The following SNX29 variants were observed in gnomAD, a reference collection of about 807,000 sequenced individuals.
SNX29 encodes sorting nexin 29, also known as sorting nexin-29.
SNX29 carries 78 observed loss-of-function variants against 102.1 expected under a neutral mutation model. That is an observed-to-expected ratio of 0.76 (90% CI 0.64 to 0.92). The LOEUF is 0.92. SNX29 is among the 40% of genes least tolerant of loss of function. SNX29 has a pLI of 0.00. For synonymous variants in SNX29, 580 were observed against 414.5 expected, an observed-to-expected ratio of 1.40 and a Z score of -4.85; for missense variants, 1,280 against 1,061.7, an observed-to-expected ratio of 1.21 and a Z score of -2.86.
rs760029139 is a variant in SNX29 at position 12,568,613 on chromosome 16, A to AG, written c.2427dup (p.Ser810GlufsTer3). On this transcript the variant is annotated frameshift_variant, in exon 21 of 21. Transcript: ENST00000566228. LOFTEE classifies it high-confidence loss of function. The stretch of plus-strand genomic sequence containing the variant: ...CGGGAGACCCGCAACGTGGAGCCCC[A>AG]GAGCGGTGACCTCTGACCTCGACAA... The AG allele has an allele frequency of 6.2e-7, 1 of 1,604,234 alleles. No homozygotes were observed. Among genetic ancestry groups the AG allele is most frequent in the Non-Finnish European group, 8.5e-7 (1 of 1,179,812 alleles).
At chr16:12,175,661 A>AG (rs1403754884) in intron 13 of SNX29, among the ~76,000 whole-genome samples, 1 of 151,834 alleles carries the variant, frequency 6.6e-6, no homozygotes, top group African/African-American at 2.4e-5. Flanking sequence ...CAAAAAAAAA[A>AG]AAAAAGTACG....
At chr16:12,394,312 G>A (rs181622098) in intron 16 of SNX29, among the ~76,000 whole-genome samples, 2 of 152,330 alleles carry the variant, frequency 1.3e-5, no homozygotes, top group Admixed American at 1.3e-4. Context: ...AAGATGCGAA[G>A]AACGGATACT....
Position 12,569,081 on chromosome 16 carries a change from T to C in SNX29, c.*452T>C, listed in dbSNP as rs989060758. ...ACTATTAGCCTCTCCTTTTGCTTTT[T>C]AAGGTTATTACCTGGCCTAACCTAG... On this transcript the variant is annotated 3_prime_UTR_variant, in exon 21 of 21. Transcript: ENST00000566228. The C allele has an allele frequency of 1.1e-5, 2 of 178,624 alleles. No individual in the cohort carries two copies. The highest frequency in any genetic ancestry group is 2.6e-5 in the African/African-American group (1 of 38,880). 11.1% of individuals were successfully genotyped at this position (178,624 alleles called of 1,614,324 possible). A position where few individuals can be genotyped will look rare whatever the true frequency, so the allele number is the denominator to read the frequency against.
rs181433688 is a variant in SNX29 at position 12,510,138 on chromosome 16, T to C, written c.2179-14564T>C. ...TGTGCATTGGTGACATCTCCTTTGATGTAGCCCATACCGCCCAGGACGAGA... is the reference window on the plus strand; with the variant it reads ...TGTGCATTGGTGACATCTCCTTTGACGTAGCCCATACCGCCCAGGACGAGA... On this transcript the variant is annotated intron_variant, in intron 19 of 20. Coordinates refer to ENST00000566228, the MANE Select transcript of SNX29 (RefSeq NM_032167.5). Among the ~76,000 whole-genome samples, 404 of 152,348 alleles carry C rather than the reference T, an allele frequency of 2.7e-3. 1 individual carries two copies. The highest frequency in any genetic ancestry group is 9.2e-3 in the African/African-American group (381 of 41,572).
intron 14 of SNX29, among the ~76,000 whole-genome samples, chr16:12,267,789 A>G (rs2078972000): frequency 6.6e-6 from 1 of 152,206 alleles, no homozygotes; most frequent in South Asian, 2.1e-4. Context: ...TCTGCACTGC[A>G]TATACCCTGT....
chr16:12,017,842 C>A (rs1025249714), intron 3 of SNX29, among the ~76,000 whole-genome samples: 1 of 151,984 alleles, frequency 6.6e-6, no homozygotes, highest in Non-Finnish European at 1.5e-5. Context: ...TGAAGTGCTA[C>A]CATTATTATA....
At chr16:12,348,160 C>G (rs998310456) in intron 15 of SNX29, among the ~76,000 whole-genome samples, 2 of 152,134 alleles carry the variant, frequency 1.3e-5, no homozygotes, top group Non-Finnish European at 1.5e-5. Flanking sequence ...AGTGAGTAGA[C>G]AGGACCTGGA....
chr16:12,080,140 T>C (rs2051792864), intron 11 of SNX29, among the ~76,000 whole-genome samples: 1 of 152,138 alleles, frequency 6.6e-6, no homozygotes, highest in South Asian at 2.1e-4. Flanking sequence ...AGAAGGTGCT[T>C]ACAGTATACC....
rs374241547 is a variant in SNX29 at position 11,976,957 on chromosome 16, C to T, written c.7+144C>T. ...GCTCCCTTTTCCAGACCCCTGGCCC[C>T]CAGGACTCCCGGCTCGTGGCCCCTG... On this transcript the variant is annotated intron_variant, in intron 1 of 20. Transcript: ENST00000566228. 15 of 1,095,020 alleles carry T rather than the reference C, an allele frequency of 1.4e-5. No homozygotes were observed. The African/African-American group carries it at 2.0e-4, about 14-fold the overall frequency. The allele number at this position is 1,095,020 out of a possible 1,614,324, so 67.8% of individuals were successfully genotyped here.
chr16:12,456,664 G>A (rs1207020746), intron 18 of SNX29, among the ~76,000 whole-genome samples: 2 of 152,074 alleles, frequency 1.3e-5, no homozygotes, highest in Admixed American at 6.5e-5. Flanking sequence ...GGATACGTGT[G>A]TGAGTACTTG....
intron 11 of SNX29, among the ~76,000 whole-genome samples, chr16:12,084,006 C>G (rs989662247): frequency 6.6e-6 from 1 of 152,188 alleles, no homozygotes; most frequent in Non-Finnish European, 1.5e-5. Flanking sequence ...GTGTTTTGTC[C>G]TGAGGCATTC....
intron 16 of SNX29, among the ~76,000 whole-genome samples, chr16:12,378,302 T>TG (rs1328512631): frequency 6.6e-6 from 1 of 151,512 alleles, no homozygotes; most frequent in Admixed American, 6.6e-5. Context: ...TCGATAAGAG[T>TG]GAAAGCAAGA....
chr16:12,289,759 C>T (rs1343828628), intron 15 of SNX29, among the ~76,000 whole-genome samples: 1 of 152,108 alleles, frequency 6.6e-6, no homozygotes, highest in Non-Finnish European at 1.5e-5. Flanking sequence ...TATTTTGGGC[C>T]TGTTTTATAT....
At chr16:12,359,429 G>T (rs1168167185) in intron 16 of SNX29, among the ~76,000 whole-genome samples, 1 of 152,138 alleles carries the variant, frequency 6.6e-6, no homozygotes, top group Non-Finnish European at 1.5e-5. Flanking sequence ...TCCCCATTCT[G>T]GGTTTCACAT....
chr16:12,375,508 A>G (rs2082839607), intron 16 of SNX29: 1 of 152,100 alleles, frequency 6.6e-6, no homozygotes. Context: ...GACTGCAGAC[A>G]CCTCAGGGCT....
intron 15 of SNX29, among the ~76,000 whole-genome samples, chr16:12,345,982 C>T (rs537465088): frequency 1.3e-5 from 2 of 152,184 alleles, no homozygotes; most frequent in East Asian, 3.9e-4. Flanking sequence ...CAGCCACCAA[C>T]CCAAGCCAGT....
At chr16:12,071,596 G>C (rs546536849) in intron 10 of SNX29, among the ~76,000 whole-genome samples, 1 of 152,294 alleles carries the variant, frequency 6.6e-6, no homozygotes, top group Non-Finnish European at 1.5e-5. Flanking sequence ...TTTGAAGTCC[G>C]GTAGCGTGAT....
At chr16:12,560,168 CTTTTT>C (rs779079143) in intron 20 of SNX29, among the ~76,000 whole-genome samples, 1 of 140,894 alleles carries the variant, frequency 7.1e-6, no homozygotes, top group Non-Finnish European at 1.5e-5. Flanking sequence ...GCCTTTCTCA[CTTTTT>C]TTTAATTCAC....
chr16:12,571,775 T>A lies in SNX29; in HGVS notation c.*3146T>A, dbSNP rs2079192778. 2.0e-6 allele frequency: 2 copies of A among 1,010,130 alleles called. No homozygotes were observed. The highest frequency in any genetic ancestry group is 9.6e-5 in the South Asian group (2 of 20,918). 62.6% of individuals were successfully genotyped at this position (1,010,130 alleles called of 1,614,324 possible). A position where few individuals can be genotyped will look rare whatever the true frequency, so the allele number is the denominator to read the frequency against. On this transcript the variant is annotated 3_prime_UTR_variant, in exon 21 of 21. Transcript: ENST00000566228. Reference sequence around the variant, plus strand: ...TCCACTCCTGATCTGAGACAGAACCTTCTCCGCCACTCTTCCTGCAATCAG... The same window carrying A: ...TCCACTCCTGATCTGAGACAGAACCATCTCCGCCACTCTTCCTGCAATCAG...
Sources: allele counts gnomAD v4.1 joint callset (sites outside exome capture counted in the v4.1 genomes callset), GRCh38; gene constraint gnomAD v4.1.1; transcripts MANE v1.5; gene names NCBI Gene and HGNC (gene_info 2026-07-23, HGNC 2026-07-21).